GSE1: variants seen among roughly 807,000 people sequenced by gnomAD.
GSE1 encodes the protein genetic suppressor element 1.
A neutral mutation model predicts 112.6 loss-of-function variants in GSE1; 32 were observed. That is an observed-to-expected ratio of 0.28 (90% CI 0.21 to 0.38). The LOEUF (loss-of-function observed/expected upper bound fraction) is 0.38. GSE1 is among the 10% of genes least tolerant of loss of function. The pLI, the probability that GSE1 is intolerant of heterozygous loss-of-function variation, is 1.00. For synonymous variants in GSE1, 1,115 were observed against 735.6 expected (o/e 1.52, Z -8.35); for missense variants, 2,348 against 1,699.2 (o/e 1.38, Z -6.71).
chr16:85,376,679 A>T (rs1269734203), intron 2 of GSE1, among the ~76,000 whole-genome samples: 1 of 152,184 alleles, frequency 6.6e-6, no homozygotes, highest in Admixed American at 6.5e-5. Context: ...AGAGGACGCC[A>T]TGTCTGTGCC....
At chr16:85,291,897 G>T (rs2045225810) in intron 1 of GSE1, among the ~76,000 whole-genome samples, 1 of 152,180 alleles carries the variant, frequency 6.6e-6, no homozygotes, top group South Asian at 2.1e-4. Context: ...TTTTATTAGA[G>T]CCGGCTTTGG....
intron 2 of GSE1, among the ~76,000 whole-genome samples, chr16:85,390,241 A>G (rs2047807099): frequency 6.6e-6 from 1 of 152,138 alleles, no homozygotes. Context: ...CACGGCCTGT[A>G]GCTTTGTGCG....
chr16:85,590,155 TGA>T (rs2046925039), intron 1 of GSE1, among the ~76,000 whole-genome samples: 1 of 152,058 alleles, frequency 6.6e-6, no homozygotes, highest in Non-Finnish European at 1.5e-5. Flanking sequence ...TGTGAGCGTG[TGA>T]GTGAATGTGT....
chr16:85,645,656 T>G (rs1297404864), intron 2 of GSE1, among the ~76,000 whole-genome samples: 1 of 152,150 alleles, frequency 6.6e-6, no homozygotes, highest in African/African-American at 2.4e-5. Context: ...TTTTCTTTGG[T>G]GAATGTGCGC....
chr16:85,352,091 G>A lies in GSE1; in HGVS notation c.2284-5372G>A, dbSNP rs529667509. On this transcript the variant is annotated intron_variant, in intron 1 of 2. Coordinates refer to the GSE1 transcript ENST00000637419. The stretch of plus-strand genomic sequence containing the variant: ...TAATAAAACTTGGCACTGACCACAC[G>A]TGTGTGCATGCACATACACACATAC... 9.2e-5 allele frequency among the ~76,000 whole-genome samples: 14 copies of A among 152,142 alleles called. 1 individual carries two copies. The highest frequency in any genetic ancestry group is 1.6e-4 in the Non-Finnish European group (11 of 68,028).
In GSE1 at chr16:85,663,206, C is replaced by G. The variant is rs536122742; in HGVS notation, c.2373+113C>G. 6.3e-6 allele frequency: 8 copies of G among 1,271,198 alleles called. No individual in the cohort carries two copies. In the East Asian group the frequency reaches 1.2e-4, roughly 18 times the overall value. 78.7% of individuals were successfully genotyped at this position (1,271,198 alleles called of 1,614,324 possible). On this transcript the variant is annotated intron_variant, in intron 10 of 15. Transcript: ENST00000253458. ...GGTTCCTCCGAAGTCCTGGCGGGTT[C>G]GCCCCATGAAGCTCTTCTCCCACCA... is the stretch of plus-strand genomic sequence containing the variant.
intron 2 of GSE1, among the ~76,000 whole-genome samples, chr16:85,471,954 C>T (rs776867583): frequency 2.0e-5 from 3 of 152,246 alleles, no homozygotes; most frequent in Non-Finnish European, 4.4e-5. Flanking sequence ...TGAGTGTTTA[C>T]ACCTTAAGGC....
Position 85,631,249 on chromosome 16 carries a change from G to A in GSE1, c.8-2665G>A, listed in dbSNP as rs111926428. 2.7e-3 allele frequency among the ~76,000 whole-genome samples: 405 copies of A among 152,344 alleles called. 3 individuals carry two copies. The highest frequency in any genetic ancestry group is 9.4e-3 in the African/African-American group (391 of 41,572). ...GGTGCTTCGGTGACAGATAGGACCC[G>A]GAGGTCCTCTGGACTGCCCATGGCA... On this transcript the variant is annotated intron_variant, in intron 1 of 15. Coordinates refer to ENST00000253458, the MANE Select transcript of GSE1 (RefSeq NM_014615.5).
intron 1 of GSE1, among the ~76,000 whole-genome samples, chr16:85,298,876 C>T (rs1481620134): frequency 3.3e-5 from 5 of 152,302 alleles, no homozygotes; most frequent in Admixed American, 6.5e-5. Flanking sequence ...GGAGCATAGG[C>T]GTTTATGGGT....
chr16:85,569,716 G>A (rs531909114), intron 1 of GSE1, among the ~76,000 whole-genome samples: 6 of 152,192 alleles, frequency 3.9e-5, no homozygotes, highest in Admixed American at 2.6e-4. Context: ...CTCGTGTTAC[G>A]TGTGTTTTCC....
intron 1 of GSE1, among the ~76,000 whole-genome samples, chr16:85,247,077 C>G (rs1485639755): frequency 2.0e-5 from 3 of 152,180 alleles, no homozygotes; most frequent in Admixed American, 1.3e-4. Flanking sequence ...TGCTGCTGCT[C>G]TTTGCTGTCC....
At chr16:85,503,516 G>T (rs1434197725) in intron 2 of GSE1, among the ~76,000 whole-genome samples, 1 of 152,204 alleles carries the variant, frequency 6.6e-6, no homozygotes, top group Non-Finnish European at 1.5e-5. Context: ...CACGGCGAGG[G>T]GAGCGGGGCC....
chr16:85,452,665 C>T (rs2049718979), intron 2 of GSE1, among the ~76,000 whole-genome samples: 1 of 152,276 alleles, frequency 6.6e-6, no homozygotes, highest in Non-Finnish European at 1.5e-5. Flanking sequence ...CTGTGGTCTT[C>T]TCCTCCTTAA....
intron 1 of GSE1, among the ~76,000 whole-genome samples, chr16:85,299,240 A>G (rs1030960500): frequency 6.6e-6 from 1 of 152,210 alleles, no homozygotes; most frequent in Admixed American, 6.5e-5. Context: ...CTGAGTTGTT[A>G]AGGGGCTTGG....
chr16:85,440,908 C>T (rs1298637461), intron 2 of GSE1, among the ~76,000 whole-genome samples: 2 of 152,208 alleles, frequency 1.3e-5, no homozygotes, highest in Non-Finnish European at 2.9e-5. Context: ...GAGTCCTCAC[C>T]CATCATGCGG....
chr16:85,578,255 T>G (rs75179080), intron 1 of GSE1, among the ~76,000 whole-genome samples: 4,326 of 152,358 alleles, frequency 0.028, 91 homozygotes, highest in Middle Eastern at 0.078. Context: ...CCAGGTTTTA[T>G]GGCTGGAGGG....
chr16:85,241,230 A>G (rs1178893413), intron 1 of GSE1, among the ~76,000 whole-genome samples: 1 of 152,002 alleles, frequency 6.6e-6, no homozygotes, highest in Non-Finnish European at 1.5e-5. Context: ...CCAGAGCCTC[A>G]GTTCTTTGTG....
At chr16:85,446,549 C>T (rs913388837) in intron 2 of GSE1, among the ~76,000 whole-genome samples, 22 of 152,292 alleles carry the variant, frequency 1.4e-4, no homozygotes, top group African/African-American at 3.4e-4. Flanking sequence ...CTGCGATGAC[C>T]GGGCTCATGT....
chr16:85,287,586 T>C (rs1401976402), intron 1 of GSE1, among the ~76,000 whole-genome samples: 1 of 152,074 alleles, frequency 6.6e-6, no homozygotes, highest in Non-Finnish European at 1.5e-5. Flanking sequence ...AATGCTTTCC[T>C]CCTGATTTCC....
Sources: gnomAD v4.1 joint callset for allele counts (sites outside exome capture counted in the v4.1 genomes callset) on GRCh38, gnomAD v4.1.1 for gene constraint, MANE v1.5 for transcripts, NCBI Gene and HGNC (gene_info 2026-07-23, HGNC 2026-07-21) for gene names.